DACH1: variants seen among roughly 807,000 people sequenced by gnomAD.
DACH1 encodes the protein dachshund homolog 1.
Under a neutral mutation model 54.2 loss-of-function variants are expected in DACH1, and 12 were observed. The ratio of observed to expected loss-of-function variants is 0.22; its 90% CI spans 0.14 to 0.36. The LOEUF (loss-of-function observed/expected upper bound fraction) is 0.36, where lower values mean the gene tolerates loss of function less well. Ranked by LOEUF, DACH1 falls within the 10% of genes least tolerant of loss-of-function variation. DACH1 has a pLI of 1.00. For missense variants in DACH1, 805 were observed against 929.8 expected (o/e 0.87, Z 1.75); for synonymous variants, 386 against 366.2 (o/e 1.05, Z -0.62).
At chr13:71,586,040 A>G (rs2138446426) in intron 3 of DACH1, among the ~76,000 whole-genome samples, 1 of 152,332 alleles carries the variant, frequency 6.6e-6, no homozygotes, top group East Asian at 1.9e-4. Flanking sequence ...ACTCTACTCC[A>G]TATCTAAACC....
At chr13:71,444,393 AT>A (rs1291114127) in intron 10 of DACH1, among the ~76,000 whole-genome samples, 5 of 152,102 alleles carry the variant, frequency 3.3e-5, no homozygotes, top group African/African-American at 1.2e-4. Context: ...TTATATTGAG[AT>A]TATCATTCCC....
chr13:71,551,080 T>C (rs574701598), intron 6 of DACH1, among the ~76,000 whole-genome samples: 4 of 152,214 alleles, frequency 2.6e-5, no homozygotes, highest in East Asian at 1.9e-4. Context: ...GGCTCCCATA[T>C]AGTTGTTGTA....
chr13:71,813,397 T>C (rs916994834), intron 1 of DACH1, among the ~76,000 whole-genome samples: 6 of 152,312 alleles, frequency 3.9e-5, no homozygotes, highest in African/African-American at 1.4e-4. Context: ...TAGTGATCAA[T>C]GCAGGTGAGT....
At chr13:71,666,238 T>C (rs1879824619) in intron 2 of DACH1, among the ~76,000 whole-genome samples, 1 of 152,150 alleles carries the variant, frequency 6.6e-6, no homozygotes, top group East Asian at 1.9e-4. Context: ...CTTCTGTTGA[T>C]TATATCCTAT....
At position 71,729,721 on chromosome 13, in the gene DACH1, G is replaced by C. The variant is rs138478102; in HGVS notation, c.849-47811C>G. Reference sequence around the variant, plus strand: ...TGAATTCAATTGTTAGTGTATTGTCGAAGTTTTCAGTCTCTCCAGAGGAAG... The same window carrying C: ...TGAATTCAATTGTTAGTGTATTGTCCAAGTTTTCAGTCTCTCCAGAGGAAG... On this transcript the variant is annotated intron_variant, in intron 1 of 10. Transcript: ENST00000613252. 3.3e-5 allele frequency among the ~76,000 whole-genome samples: 5 copies of C among 152,098 alleles called. No homozygotes were observed. The East Asian group carries it at 9.6e-4, about 29-fold the overall frequency.
At chr13:71,705,268 T>A (rs1427585885) in intron 1 of DACH1, among the ~76,000 whole-genome samples, 3 of 152,212 alleles carry the variant, frequency 2.0e-5, no homozygotes, top group Non-Finnish European at 4.4e-5. Flanking sequence ...AAGATTTTTA[T>A]CTTTATTTAT....
intron 1 of DACH1, among the ~76,000 whole-genome samples, chr13:71,720,048 C>T (rs778591444): frequency 4.7e-4 from 71 of 152,172 alleles, no homozygotes; most frequent in Non-Finnish European, 1.0e-3. Context: ...TACTAAAATG[C>T]TGTCTTTAAA....
intron 6 of DACH1, among the ~76,000 whole-genome samples, chr13:71,545,791 A>G (rs1347243449): frequency 6.6e-6 from 1 of 152,116 alleles, no homozygotes; most frequent in East Asian, 1.9e-4. Flanking sequence ...TGATTTTTTA[A>G]AAGTATCCTA....
intron 1 of DACH1, among the ~76,000 whole-genome samples, chr13:71,850,737 G>T (rs1566542411): frequency 6.6e-6 from 1 of 152,086 alleles, no homozygotes; most frequent in Non-Finnish European, 1.5e-5. Context: ...CATACAGAAG[G>T]ACTTATGGCC....
intron 2 of DACH1, among the ~76,000 whole-genome samples, chr13:71,633,188 C>T (rs1262278250): frequency 6.6e-6 from 1 of 152,128 alleles, no homozygotes; most frequent in Non-Finnish European, 1.5e-5. Context: ...GGAACCATGA[C>T]TATGCATGAT....
intron 1 of DACH1, among the ~76,000 whole-genome samples, chr13:71,840,744 A>G (rs1872784969): frequency 6.6e-6 from 1 of 152,226 alleles, no homozygotes; most frequent in Admixed American, 6.5e-5. Flanking sequence ...GCAGTAAAGT[A>G]TGTAAAAAGA....
At chr13:71,738,922 A>T (rs1566470937) in intron 1 of DACH1, among the ~76,000 whole-genome samples, 1 of 151,906 alleles carries the variant, frequency 6.6e-6, no homozygotes, top group Admixed American at 6.6e-5. Flanking sequence ...TGTAGTCTAC[A>T]TTGGACACAG....
At chr13:71,754,190 G>T (rs1400489804) in intron 1 of DACH1, among the ~76,000 whole-genome samples, 1 of 152,002 alleles carries the variant, frequency 6.6e-6, no homozygotes, top group African/African-American at 2.4e-5. Flanking sequence ...CTTTAAAATG[G>T]AGGAATTCAC....
chr13:71,706,355 T>G (rs1882445295), intron 1 of DACH1, among the ~76,000 whole-genome samples: 1 of 152,040 alleles, frequency 6.6e-6, no homozygotes, highest in South Asian at 2.1e-4. Flanking sequence ...TATTTATATT[T>G]TTTACAGTGA....
At chr13:71,664,114 G>T (rs1322125995) in intron 2 of DACH1, among the ~76,000 whole-genome samples, 1 of 151,974 alleles carries the variant, frequency 6.6e-6, no homozygotes, top group Non-Finnish European at 1.5e-5. Context: ...GGCCAAAGGT[G>T]TAATTAGGCC....
intron 1 of DACH1, among the ~76,000 whole-genome samples, chr13:71,747,430 A>C (rs2137964733): frequency 6.6e-6 from 1 of 152,174 alleles, no homozygotes; most frequent in East Asian, 1.9e-4. Context: ...AAAATTAAAA[A>C]ATTAGCTGGG....
At chr13:71,493,199 T>C (rs1316015489) in intron 6 of DACH1, among the ~76,000 whole-genome samples, 2 of 152,086 alleles carry the variant, frequency 1.3e-5, no homozygotes, top group East Asian at 3.9e-4. Context: ...GGTTATAAAA[T>C]GTCTAGCTTC....
chr13:71,516,360 G>T (rs80030267), intron 6 of DACH1, among the ~76,000 whole-genome samples: 14 of 151,154 alleles, frequency 9.3e-5, no homozygotes, highest in African/African-American at 3.4e-4. Flanking sequence ...TTCTAAAGGC[G>T]TCTAATTAGC....
At chr13:71,491,686 A>G (rs1341499169) in intron 6 of DACH1, among the ~76,000 whole-genome samples, 1 of 152,172 alleles carries the variant, frequency 6.6e-6, no homozygotes, top group African/African-American at 2.4e-5. Context: ...AAGATCAAAC[A>G]AACAAGAATA....
Sources: allele counts gnomAD v4.1 joint callset (sites outside exome capture counted in the v4.1 genomes callset), GRCh38; gene constraint gnomAD v4.1.1; transcripts MANE v1.5; gene names NCBI Gene and HGNC (gene_info 2026-07-23, HGNC 2026-07-21).